Variants in UTS2R observed in about 807,000 individuals in gnomAD.
UTS2R encodes the protein urotensin 2 receptor, also known as urotensin-2 receptor.
For missense variants in UTS2R, 653 were observed against 562.2 expected, an observed-to-expected ratio of 1.16 and a Z score of -1.63; for synonymous variants, 335 against 280.9, an observed-to-expected ratio of 1.19 and a Z score of -1.93.
intron 2 of UTS2R, among the ~76,000 whole-genome samples, 174 bp downstream of exon 2, chr17:82,372,957 C>T (rs1381259828): frequency 2.0e-5 from 3 of 152,226 alleles, no homozygotes; most frequent in African/African-American, 2.4e-5. Flanking sequence ...TGCCTTTTCA[C>T]GCGTTCATCC....
rs868433601 is a variant in UTS2R at position 82,376,778 on chromosome 17, G to A, written c.*1284G>A. Among the ~76,000 whole-genome samples the A allele has an allele frequency of 2.4e-4, 36 of 152,212 alleles. No homozygotes were observed. Among genetic ancestry groups the A allele is most frequent in the African/African-American group, 5.5e-4 (23 of 41,458 alleles). ...TAAAAACAAAAGGATCCCACTCCCC[G>A]ACCTTGTCCCTCTGTTAAAATTGAA... On this transcript the variant is annotated 3_prime_UTR_variant, in exon 3 of 3. Coordinates refer to ENST00000313135, the MANE Select transcript of UTS2R (RefSeq NM_018949.3).
At chr17:82,372,374 G>C (rs2052457600) in intron 1 of UTS2R, among the ~76,000 whole-genome samples, 1 of 152,204 alleles carries the variant, frequency 6.6e-6, no homozygotes, top group African/African-American at 2.4e-5. Context: ...GGTGGGGGCA[G>C]CAAGGGGGTG....
rs1432799252 is a variant in UTS2R, at chr17:82,377,037, G to A, written c.*1543G>A. 6.6e-6 allele frequency among the ~76,000 whole-genome samples: 1 copy of A among 152,218 alleles called. No individual in the cohort carries two copies. The highest frequency in any genetic ancestry group is 1.5e-5 in the Non-Finnish European group (1 of 68,048). On this transcript the variant is annotated 3_prime_UTR_variant, in exon 3 of 3. Transcript: ENST00000313135. ...TGGAATAGAAAGGCAGGAAAGGTGG[G>A]GAAAAGATTGAGAAATCGGATGGTT...
rs1364430761 is a variant in UTS2R at position 82,374,697 on chromosome 17, G to A, written c.373G>A (p.Val125Met). Reference protein sequence around the residue: ...EWHFGDVGCRVLFGLDFLTMH... With the variant: ...EWHFGDVGCRMLFGLDFLTMH... ...GCACTTCGGGGACGTGGGCTGCCGCGTGCTCTTCGGCCTGGACTTCCTGAC... is the reference window on the plus strand; with the variant it reads ...GCACTTCGGGGACGTGGGCTGCCGCATGCTCTTCGGCCTGGACTTCCTGAC... The change falls in exon 3 of 3, where the codon GTG (valine) becomes ATG (methionine). Residue 125 changes from valine (V) to methionine (M), a missense_variant. Val to Met is a conservative substitution (Grantham distance 21). Transcript: ENST00000313135. 1.2e-6 allele frequency: 2 copies of A among 1,613,278 alleles called. No homozygotes were observed. The highest frequency in any genetic ancestry group is 1.1e-5 in the South Asian group (1 of 91,082).
chr17:82,374,570 G>A lies in UTS2R; in HGVS notation c.246G>A (p.Ala82=), dbSNP rs182472957. The change falls in exon 3 of 3, where the codon GCG becomes GCA. Residue 82 remains alanine, a synonymous_variant. Coordinates refer to ENST00000313135, the MANE Select transcript of UTS2R (RefSeq NM_018949.3). ...TGGTCACCTGCCGCTCCCTGCGTGC[G>A]GTGGCCTCCATGTACGTCTACGTGG... ...TLVVTCRSLR[A]VASMYVYVVN... The A allele has an allele frequency of 6.9e-6, 11 of 1,598,534 alleles. No individual in the cohort carries two copies. In the East Asian group the frequency reaches 1.1e-4, roughly 16 times the overall value.
At position 82,377,085 on chromosome 17, in the gene UTS2R, T is replaced by C. The variant is rs1261711947; in HGVS notation, c.*1591T>C. On this transcript the variant is annotated 3_prime_UTR_variant, in exon 3 of 3. Coordinates refer to ENST00000313135, the MANE Select transcript of UTS2R (RefSeq NM_018949.3). ...GTTGCCGTGTCTGTGTAGAAAGAAG[T>C]AGACATGGGAGACTTTTCATTTTGT... Among the ~76,000 whole-genome samples the C allele has an allele frequency of 1.3e-5, 2 of 152,128 alleles. No homozygotes were observed. Among genetic ancestry groups the C allele is most frequent in the African/African-American group, 4.8e-5 (2 of 41,422 alleles).
rs750369265 is a variant in UTS2R, at chr17:82,374,551, C to CACGCCTACA, written c.227_228insACGCCTACA (p.Thr76_Cys77insArgLeuHis). On this transcript the variant is annotated inframe_insertion, in exon 3 of 3. Coordinates refer to ENST00000313135, the MANE Select transcript of UTS2R (RefSeq NM_018949.3). ...GGCAACGCCTACACGCTGGTGGTCA[C>CACGCCTACA]CTGCCGCTCCCTGCGTGCGGTGGCC... The CACGCCTACA allele has an allele frequency of 6.3e-7, 1 of 1,587,850 alleles. No homozygotes were observed. The highest frequency in any genetic ancestry group is 1.1e-5 in the South Asian group (1 of 88,166).
rs1198756309 is a variant in UTS2R at position 82,376,641 on chromosome 17, T to C, written c.*1147T>C. 2.0e-5 allele frequency among the ~76,000 whole-genome samples: 3 copies of C among 152,334 alleles called. No homozygotes were observed. In the East Asian group the frequency reaches 5.8e-4, roughly 29 times the overall value. ...AGGGGCAATGCTTGCAGCTCCCCCC[T>C]GGAGTTACGAAAGTGCTCTGGAACT... On this transcript the variant is annotated 3_prime_UTR_variant, in exon 3 of 3. Coordinates refer to ENST00000313135, the MANE Select transcript of UTS2R (RefSeq NM_018949.3).
chr17:82,374,418 C>T lies in UTS2R; in HGVS notation c.94C>T (p.Leu32Phe), dbSNP rs200791463. The T allele has an allele frequency of 6.9e-6, 11 of 1,598,188 alleles. No individual in the cohort carries two copies. The highest frequency in any genetic ancestry group is 9.3e-6 in the Non-Finnish European group (11 of 1,176,476). Residue 32 changes from leucine (L) to phenylalanine (F), a missense_variant, in exon 3 of 3, where the codon CTC (leucine) becomes TTC (phenylalanine). Leu to Phe is a conservative substitution (Grantham distance 22, BLOSUM62 0). Coordinates refer to ENST00000313135, the MANE Select transcript of UTS2R (RefSeq NM_018949.3). ...GCCGCCTGGCGGCCCCAACGCAACCCTCAACAGCTCCTGGGCCAGCCCGAC... is the reference window on the plus strand; with the variant it reads ...GCCGCCTGGCGGCCCCAACGCAACCTTCAACAGCTCCTGGGCCAGCCCGAC... Reference protein sequence around the residue: ...PEPPGGPNATLNSSWASPTEP... With the variant: ...PEPPGGPNATFNSSWASPTEP...
Position 82,375,302 on chromosome 17 carries a change from G to A in UTS2R, c.978G>A (p.Leu326=), listed in dbSNP as rs530213170. Residue 326 remains leucine, a synonymous_variant, in exon 3 of 3, where the codon CTG becomes CTA. Transcript: ENST00000313135. ...TCACCAGGAACTACCGCGACCACCTGCGCGGCCGCGTGCGGGGCCCGGGCA... is the reference window on the plus strand; with the variant it reads ...TCACCAGGAACTACCGCGACCACCTACGCGGCCGCGTGCGGGGCCCGGGCA... ...TLLTRNYRDH[L]RGRVRGPGSG... 3.4e-5 allele frequency: 53 copies of A among 1,549,136 alleles called. 1 individual carries two copies. The Middle Eastern group carries it at 1.4e-3, about 39-fold the overall frequency.
chr17:82,374,976 A>G lies in UTS2R; in HGVS notation c.652A>G (p.Thr218Ala), dbSNP rs997112064. The change falls in exon 3 of 3, where the codon ACC (threonine) becomes GCC (alanine). Residue 218 changes from threonine (T) to alanine (A), a missense_variant. By Grantham distance (58) the Thr-to-Ala change is moderately conservative. Transcript: ENST00000313135. The stretch of plus-strand genomic sequence containing the variant: ...CGCCTACCTGACGCTGCTCTTCGCC[A>G]CCAGCATCGCGGGGCCCGGGCTGCT... ...HRAYLTLLFA[T>A]SIAGPGLLIG... The G allele has an allele frequency of 2.5e-6, 3 of 1,202,560 alleles. No individual in the cohort carries two copies. The highest frequency in any genetic ancestry group is 3.5e-6 in the Non-Finnish European group (3 of 852,588). The allele number at this position is 1,202,560 out of a possible 1,614,324, so 74.5% of individuals were successfully genotyped here.
rs1247400067 is a variant in UTS2R at position 82,372,634 on chromosome 17, C to T, written c.-232C>T. 6.6e-6 allele frequency among the ~76,000 whole-genome samples: 1 copy of T among 152,236 alleles called. No individual in the cohort carries two copies. The highest frequency in any genetic ancestry group is 1.5e-5 in the Non-Finnish European group (1 of 68,048). ...GCTGTTTCATCCAGGCTGCTGACCC[C>T]AGCGGCGACTCCTTCACTGGCTTCA... On this transcript the variant is annotated 5_prime_UTR_variant, in exon 2 of 3. Transcript: ENST00000313135.
At position 82,376,828 on chromosome 17, in the gene UTS2R, C is replaced by G. The variant is rs548845751; in HGVS notation, c.*1334C>G. 7.2e-5 allele frequency among the ~76,000 whole-genome samples: 11 copies of G among 152,262 alleles called. No homozygotes were observed. The highest frequency in any genetic ancestry group is 1.3e-4 in the Non-Finnish European group (9 of 68,014). ...AAGAGACTGATGTCAGCCGCCCCGT[C>G]TGGGAGGGAGGTGGGGGGGTCAGCC... On this transcript the variant is annotated 3_prime_UTR_variant, in exon 3 of 3. Transcript: ENST00000313135.
Position 82,374,615 on chromosome 17 carries a change from C to T in UTS2R, c.291C>T (p.Asp97=). Residue 97 remains aspartate, a synonymous_variant, in exon 3 of 3, where the codon GAC becomes GAT. Coordinates refer to ENST00000313135, the MANE Select transcript of UTS2R (RefSeq NM_018949.3). The stretch of plus-strand genomic sequence containing the variant: ...ACGTGGTCAACCTGGCGCTGGCCGA[C>T]CTGCTGTACCTGCTCAGCATCCCCT... ...YVYVVNLALA[D]LLYLLSIPFI... 1 of 1,611,776 alleles carries T rather than the reference C, an allele frequency of 6.2e-7. No individual in the cohort carries two copies. Among genetic ancestry groups the T allele is most frequent in the South Asian group, 1.1e-5 (1 of 90,642 alleles).
In UTS2R at chr17:82,372,785, T is replaced by C. The variant is rs1431672453; in HGVS notation, c.-83+2T>C. 1.3e-5 allele frequency among the ~76,000 whole-genome samples: 2 copies of C among 152,198 alleles called. No homozygotes were observed. The highest frequency in any genetic ancestry group is 4.8e-5 in the African/African-American group (2 of 41,444). ...AACGTTGGCAGCCCTTTATCTAAGGTACTAACCTGAGAGTAGAATTGCCGG... is the reference window on the plus strand; with the variant it reads ...AACGTTGGCAGCCCTTTATCTAAGGCACTAACCTGAGAGTAGAATTGCCGG... On this transcript the variant is annotated splice_donor_variant, in intron 2 of 2. Transcript: ENST00000313135. LOFTEE classifies it low-confidence loss of function (5UTR_SPLICE).
Position 82,374,667 on chromosome 17 carries a change from G to A in UTS2R, c.343G>A (p.Glu115Lys). 1 of 1,613,508 alleles carries A rather than the reference G, an allele frequency of 6.2e-7. No homozygotes were observed. The highest frequency in any genetic ancestry group is 8.5e-7 in the Non-Finnish European group (1 of 1,179,954). ...CATCGTGGCCACCTACGTCACCAAG[G>A]AGTGGCACTTCGGGGACGTGGGCTG... ...PFIVATYVTKEWHFGDVGCRV... is the reference protein window; with the variant it reads ...PFIVATYVTKKWHFGDVGCRV... The change falls in exon 3 of 3, where the codon GAG (glutamate) becomes AAG (lysine). Residue 115 changes from glutamate (E) to lysine (K), a missense_variant. By Grantham distance (56) the Glu-to-Lys change is moderately conservative. Transcript: ENST00000313135.
rs1454091606 is a variant in UTS2R, at chr17:82,375,137, C to T, written c.813C>T (p.Phe271=). Residue 271 remains phenylalanine, a synonymous_variant, in exon 3 of 3, where the codon TTC becomes TTT. Coordinates refer to ENST00000313135, the MANE Select transcript of UTS2R (RefSeq NM_018949.3). ...TCGTGCTGCTCTTCTGGGCCTGCTT[C>T]CTGCCCTTCTGGCTGTGGCAGCTGC... ...LGIVLLFWAC[F]LPFWLWQLLA... 1 of 1,533,970 alleles carries T rather than the reference C, an allele frequency of 6.5e-7. No homozygotes were observed.
In UTS2R at chr17:82,374,692, G is replaced by A; in HGVS notation, c.368G>A (p.Cys123Tyr). Reference sequence around the variant, plus strand: ...GAGTGGCACTTCGGGGACGTGGGCTGCCGCGTGCTCTTCGGCCTGGACTTC... The same window carrying A: ...GAGTGGCACTTCGGGGACGTGGGCTACCGCGTGCTCTTCGGCCTGGACTTC... ...TKEWHFGDVG[C>Y]RVLFGLDFLT... The change falls in exon 3 of 3, where the codon TGC becomes TAC. Residue 123 changes from cysteine to tyrosine, a missense_variant. By Grantham distance (194) the Cys-to-Tyr change is radical (BLOSUM62 -2). Coordinates refer to ENST00000313135, the MANE Select transcript of UTS2R (RefSeq NM_018949.3). The A allele has an allele frequency of 6.2e-7, 1 of 1,613,338 alleles. No homozygotes were observed. The highest frequency in any genetic ancestry group is 8.5e-7 in the Non-Finnish European group (1 of 1,179,944).
rs960001083 is a variant in UTS2R, at chr17:82,377,197, TG to T, written c.*1704del. Among the ~76,000 whole-genome samples, 1 of 152,122 alleles carries T rather than the reference TG, an allele frequency of 6.6e-6. No homozygotes were observed. Among genetic ancestry groups the T allele is most frequent in the African/African-American group, 2.4e-5 (1 of 41,416 alleles). On this transcript the variant is annotated 3_prime_UTR_variant, in exon 3 of 3. Coordinates refer to ENST00000313135, the MANE Select transcript of UTS2R (RefSeq NM_018949.3). ...CCTGTGCTCTCTGAAACATGTGCTG[TG>T]TCCACTCAGGGTTGAATGGATTAAG... is the stretch of plus-strand genomic sequence containing the variant.
Sources: allele counts gnomAD v4.1 joint callset (sites outside exome capture counted in the v4.1 genomes callset), GRCh38; gene constraint gnomAD v4.1.1; transcripts MANE v1.5; gene names NCBI Gene and HGNC (gene_info 2026-07-23, HGNC 2026-07-21).